The following CTNNA3 variants were observed in gnomAD, a reference collection of about 807,000 sequenced individuals.
The protein encoded by CTNNA3 is catenin alpha-3.
A neutral mutation model predicts 95.7 loss-of-function variants in CTNNA3; 76 were observed. The ratio of observed to expected loss-of-function variants is 0.79; its 90% CI spans 0.66 to 0.96. The LOEUF is 0.96. Among genes scored for constraint, CTNNA3 ranks in the 40% least tolerant of loss-of-function variants. The pLI, the probability that CTNNA3 is intolerant of heterozygous loss-of-function variation, is 0.00. For synonymous variants in CTNNA3, 431 were observed against 374.4 expected (o/e 1.15, Z -1.74); for missense variants, 1,191 against 1,089.8 (o/e 1.09, Z -1.31).
At chr10:66,012,579 A>C (rs1356087869) in intron 15 of CTNNA3, among the ~76,000 whole-genome samples, 1 of 152,226 alleles carries the variant, frequency 6.6e-6, no homozygotes, top group African/African-American at 2.4e-5. Flanking sequence ...AATCATAGAT[A>C]ATCAGAGTGG....
At chr10:66,353,422 A>G (rs1479924046) in intron 12 of CTNNA3, among the ~76,000 whole-genome samples, 1 of 152,112 alleles carries the variant, frequency 6.6e-6, no homozygotes, top group African/African-American at 2.4e-5. Context: ...TGCGCAGCTC[A>G]CTGTGTTGAG....
At chr10:67,462,336 C>T (rs958063948) in intron 5 of CTNNA3, among the ~76,000 whole-genome samples, 1 of 152,156 alleles carries the variant, frequency 6.6e-6, no homozygotes, top group Non-Finnish European at 1.5e-5. Flanking sequence ...TTAATATCCT[C>T]GATTAACACA....
At chr10:67,509,205 T>A (rs1020219277) in intron 5 of CTNNA3, among the ~76,000 whole-genome samples, 34 of 151,680 alleles carry the variant, frequency 2.2e-4, no homozygotes, top group South Asian at 4.2e-4. Flanking sequence ...TTTTTTTTTT[T>A]AAATCCTTTA....
intron 12 of CTNNA3, among the ~76,000 whole-genome samples, chr10:66,343,802 A>G (rs2092476839): frequency 6.6e-6 from 1 of 152,098 alleles, no homozygotes; most frequent in Non-Finnish European, 1.5e-5. Flanking sequence ...ACTATACATT[A>G]TATGTATCGA....
chr10:66,159,626 G>GTTTTTTTTTT (rs34684370), intron 13 of CTNNA3, among the ~76,000 whole-genome samples: 1 of 114,934 alleles, frequency 8.7e-6, no homozygotes, highest in Non-Finnish European at 1.8e-5. Flanking sequence ...TTTGTTTTCT[G>GTTTTTTTTTT]TTTTTTTTTT....
chr10:66,239,767 A>T (rs2090021585), intron 13 of CTNNA3, among the ~76,000 whole-genome samples: 1 of 151,942 alleles, frequency 6.6e-6, no homozygotes, highest in Non-Finnish European at 1.5e-5. Flanking sequence ...TTGGGACAAG[A>T]CATGTTGCTG....
chr10:67,610,729 C>T (rs1243432853), intron 2 of CTNNA3, among the ~76,000 whole-genome samples: 2 of 152,186 alleles, frequency 1.3e-5, no homozygotes, highest in Non-Finnish European at 2.9e-5. Context: ...TTTTCTTTTT[C>T]AGTACTAAAT....
intron 4 of CTNNA3, among the ~76,000 whole-genome samples, 191 bp from the exon 5 acceptor site, chr10:67,522,152 G>A: frequency 6.6e-6 from 1 of 151,996 alleles, no homozygotes; most frequent in East Asian, 1.9e-4. Context: ...CATATTCTAA[G>A]TATAACCAAC....
At chr10:67,236,070 A>C (rs1372838571) in intron 5 of CTNNA3, among the ~76,000 whole-genome samples, 2 of 142,098 alleles carry the variant, frequency 1.4e-5, no homozygotes, top group South Asian at 2.3e-4. Context: ...GTGGGACTGT[A>C]AACTAGTTCA....
At chr10:67,579,428 C>T (rs1408872565) in intron 3 of CTNNA3, among the ~76,000 whole-genome samples, 1 of 152,000 alleles carries the variant, frequency 6.6e-6, no homozygotes, top group Admixed American at 6.5e-5. Flanking sequence ...GTATATGTGC[C>T]ACATTTTCTT....
intron 7 of CTNNA3, among the ~76,000 whole-genome samples, chr10:66,785,183 C>T (rs920587046): frequency 1.3e-5 from 2 of 152,146 alleles, no homozygotes; most frequent in African/African-American, 4.8e-5. Flanking sequence ...AATAAGCAGT[C>T]AGCTGCAGAA....
intron 7 of CTNNA3, among the ~76,000 whole-genome samples, chr10:66,801,397 T>G (rs545832061): frequency 6.6e-6 from 1 of 151,586 alleles, no homozygotes; most frequent in East Asian, 1.9e-4. Context: ...TTCAAAATAT[T>G]ATAACTAGTA....
chr10:65,924,524 G>A lies in CTNNA3; in HGVS notation c.2401-3907C>T, dbSNP rs147627730. Among the ~76,000 whole-genome samples, 200 of 152,178 alleles carry A rather than the reference G, an allele frequency of 1.3e-3. 1 individual carries two copies. The highest frequency in any genetic ancestry group is 4.7e-3 in the African/African-American group (196 of 41,526). ...GCTTCCAGACCACAGATATTTCCAC[G>A]TACCTATAATTTTCAACTCTTTCAA... is the stretch of plus-strand genomic sequence containing the variant. On this transcript the variant is annotated intron_variant, in intron 17 of 17. Coordinates refer to ENST00000433211, the MANE Select transcript of CTNNA3 (RefSeq NM_013266.4).
At chr10:66,687,851 G>T (rs931508037) in intron 9 of CTNNA3, among the ~76,000 whole-genome samples, 1 of 151,776 alleles carries the variant, frequency 6.6e-6, no homozygotes. Context: ...CTTTTGGGAG[G>T]CATTTCATAT....
chr10:66,482,267 C>T (rs963017531), intron 11 of CTNNA3, among the ~76,000 whole-genome samples: 2 of 152,086 alleles, frequency 1.3e-5, no homozygotes, highest in Non-Finnish European at 2.9e-5. Flanking sequence ...AACAATGTAA[C>T]ACGAAATTCT....
intron 3 of CTNNA3, among the ~76,000 whole-genome samples, chr10:67,576,646 T>C (rs530082532): frequency 6.8e-6 from 1 of 146,236 alleles, no homozygotes; most frequent in Non-Finnish European, 1.5e-5. Flanking sequence ...GCTGGTGTGC[T>C]GCACCCATTA....
intron 13 of CTNNA3, among the ~76,000 whole-genome samples, chr10:66,152,841 T>G (rs986385008): frequency 6.6e-6 from 1 of 152,032 alleles, no homozygotes; most frequent in African/African-American, 2.4e-5. Flanking sequence ...TCCAATTCAC[T>G]GAGCTCCAGG....
intron 11 of CTNNA3, among the ~76,000 whole-genome samples, chr10:66,464,899 T>A (rs915765108): frequency 6.6e-6 from 1 of 151,924 alleles, no homozygotes; most frequent in Non-Finnish European, 1.5e-5. Context: ...AAAAATAAGA[T>A]CTCAACTTTT....
At chr10:66,521,779 A>G (rs922963339) in intron 10 of CTNNA3, among the ~76,000 whole-genome samples, 5 of 152,034 alleles carry the variant, frequency 3.3e-5, no homozygotes, top group Admixed American at 2.6e-4. Context: ...ATCACTTCCA[A>G]CTCTCAGTAG....
Sources: gnomAD v4.1 joint callset for allele counts (sites outside exome capture counted in the v4.1 genomes callset) on GRCh38, gnomAD v4.1.1 for gene constraint, MANE v1.5 for transcripts, NCBI Gene and HGNC (gene_info 2026-07-23, HGNC 2026-07-21) for gene names.